The following CEP112 variants were observed in gnomAD, a reference collection of about 807,000 sequenced individuals.
CEP112 encodes centrosomal protein 112.
CEP112 carries 127 observed loss-of-function variants against 153.0 expected under a neutral mutation model. The ratio of observed to expected loss-of-function variants is 0.83; its 90% CI spans 0.72 to 0.96. The LOEUF is 0.96. Ranked by LOEUF, CEP112 falls within the 40% of genes least tolerant of loss-of-function variation. The probability of loss-of-function intolerance (pLI) is 0.00; values close to 1 mark genes in which losing one functional copy is unlikely to be tolerated. For synonymous variants in CEP112, 358 were observed against 374.4 expected (o/e 0.96, Z 0.51); for missense variants, 1,089 against 1,101.2 (o/e 0.99, Z 0.16).
chr17:65,828,502 T>C (rs1043021381), intron 21 of CEP112, among the ~76,000 whole-genome samples: 15 of 152,208 alleles, frequency 9.9e-5, no homozygotes, highest in African/African-American at 3.1e-4. Context: ...TCAGCCTAGG[T>C]TCCTAAGTGA....
chr17:66,051,867 A>G (rs1188828440), intron 12 of CEP112, among the ~76,000 whole-genome samples: 1 of 129,412 alleles, frequency 7.7e-6, no homozygotes, highest in African/African-American at 2.6e-5. Flanking sequence ...AAATGAGATC[A>G]TGTCCCAATA....
chr17:66,011,047 T>C (rs1449434251), intron 16 of CEP112, among the ~76,000 whole-genome samples: 1 of 152,134 alleles, frequency 6.6e-6, no homozygotes, highest in South Asian at 2.1e-4. Context: ...CAGCTCTTCT[T>C]TACACATCTG....
chr17:65,844,913 C>G (rs1167282531), intron 21 of CEP112, among the ~76,000 whole-genome samples: 2 of 150,588 alleles, frequency 1.3e-5, no homozygotes, highest in African/African-American at 4.9e-5. Context: ...ACTAGGGAGG[C>G]TGAGGAGGGG....
chr17:65,919,023 G>T (rs1402643536), intron 19 of CEP112, among the ~76,000 whole-genome samples: 1 of 152,174 alleles, frequency 6.6e-6, no homozygotes, highest in East Asian at 1.9e-4. Flanking sequence ...AAAATGTGAG[G>T]ATTAGACCGG....
intron 21 of CEP112, among the ~76,000 whole-genome samples, chr17:65,828,003 C>T (rs1339956479): frequency 1.3e-5 from 2 of 152,142 alleles, no homozygotes; most frequent in South Asian, 4.1e-4. Context: ...CACTTTGACA[C>T]TTAAAAAAAT....
chr17:65,933,310 T>C (rs1328734920), intron 18 of CEP112, among the ~76,000 whole-genome samples: 3 of 152,140 alleles, frequency 2.0e-5, no homozygotes, highest in Admixed American at 2.0e-4. Flanking sequence ...TAGAAAAACA[T>C]GTCAATATCC....
At chr17:65,845,944 T>C (rs1197919348) in intron 21 of CEP112, among the ~76,000 whole-genome samples, 1 of 152,202 alleles carries the variant, frequency 6.6e-6, no homozygotes, top group Non-Finnish European at 1.5e-5. Context: ...GAAACTCAGG[T>C]AGGATGTGGA....
intron 1 of CEP112, among the ~76,000 whole-genome samples, chr17:66,188,750 A>G (rs1430227534): frequency 6.6e-6 from 1 of 152,122 alleles, no homozygotes; most frequent in Non-Finnish European, 1.5e-5. Flanking sequence ...TTACATGTAT[A>G]CAATATATTC....
intron 8 of CEP112, among the ~76,000 whole-genome samples, chr17:66,077,970 C>A (rs925843621): frequency 1.6e-4 from 24 of 152,278 alleles, no homozygotes; most frequent in Admixed American, 3.9e-4. Context: ...AAGGGATTTT[C>A]CAATGTTATC....
At chr17:65,737,610 C>T (rs1489675320) in intron 23 of CEP112, among the ~76,000 whole-genome samples, 3 of 152,168 alleles carry the variant, frequency 2.0e-5, no homozygotes, top group African/African-American at 7.2e-5. Context: ...ACACACTTAA[C>T]ATAATCTCAA....
intron 8 of CEP112, among the ~76,000 whole-genome samples, chr17:66,075,781 G>A (rs2067468552): frequency 6.6e-6 from 1 of 152,166 alleles, no homozygotes; most frequent in African/African-American, 2.4e-5. Context: ...GCTCAAGAAT[G>A]ACTGCAAGAA....
At chr17:65,970,833 A>G (rs1379890980) in intron 17 of CEP112, among the ~76,000 whole-genome samples, 1 of 44,008 alleles carries the variant, frequency 2.3e-5, no homozygotes, top group Non-Finnish European at 4.8e-5. Flanking sequence ...GCATGCATGC[A>G]CATTACATGC....
intron 12 of CEP112, among the ~76,000 whole-genome samples, chr17:66,050,169 T>A (rs2066379771): frequency 6.6e-6 from 1 of 152,236 alleles, no homozygotes; most frequent in African/African-American, 2.4e-5. Flanking sequence ...CATTTTTTTC[T>A]AATGTTTATT....
intron 20 of CEP112, among the ~76,000 whole-genome samples, chr17:65,882,845 C>T (rs927953876): frequency 7.9e-5 from 12 of 152,162 alleles, no homozygotes; most frequent in African/African-American, 2.9e-4. Flanking sequence ...AACACTAAAA[C>T]AAGTTGGTGG....
intron 6 of CEP112, among the ~76,000 whole-genome samples, chr17:66,098,063 T>C (rs1484937867): frequency 6.6e-6 from 1 of 152,238 alleles, no homozygotes; most frequent in Non-Finnish European, 1.5e-5. Context: ...CAGCTTACTC[T>C]TGTGCCACTC....
At chr17:66,048,098 TTG>T (rs1021076717) in intron 12 of CEP112, among the ~76,000 whole-genome samples, 2 of 121,270 alleles carry the variant, frequency 1.6e-5, no homozygotes, top group Non-Finnish European at 3.6e-5. Flanking sequence ...TGTATCATTT[TTG>T]TTTTTTTTTT....
intron 10 of CEP112, among the ~76,000 whole-genome samples, chr17:66,065,671 C>T (rs1598277068): frequency 6.6e-6 from 1 of 151,116 alleles, no homozygotes; most frequent in Non-Finnish European, 1.5e-5. Flanking sequence ...GCTCTGTTGC[C>T]CAGGCTGGAG....
intron 4 of CEP112, among the ~76,000 whole-genome samples, chr17:66,165,840 A>G (rs905627631): frequency 3.3e-5 from 5 of 152,188 alleles, no homozygotes; most frequent in Non-Finnish European, 7.3e-5. Context: ...CTGGAAAACC[A>G]TATCATAAAG....
At chr17:66,089,289 A>G (rs1351154786) in intron 8 of CEP112, among the ~76,000 whole-genome samples, 1 of 152,194 alleles carries the variant, frequency 6.6e-6, no homozygotes, top group African/African-American at 2.4e-5. Context: ...AACATAAAAA[A>G]CCAAGGAGAC....
Sources: gnomAD v4.1 joint callset for allele counts (sites outside exome capture counted in the v4.1 genomes callset) on GRCh38, gnomAD v4.1.1 for gene constraint, MANE v1.5 for transcripts, NCBI Gene and HGNC (gene_info 2026-07-23, HGNC 2026-07-21) for gene names.